The following RNF207 variants were observed in gnomAD, a reference collection of about 807,000 sequenced individuals.
RNF207 encodes the protein ring finger protein 207, also known as OTTHUMG00000001089.
A neutral mutation model predicts 79.0 loss-of-function variants in RNF207; 72 were observed. The observed-to-expected ratio is 0.91, with a 90% CI of 0.75 to 1.11. RNF207 has a LOEUF of 1.11. Among genes scored for constraint, RNF207 ranks in the 50% least tolerant of loss-of-function variants. The probability of loss-of-function intolerance (pLI) is 0.00; values close to 1 mark genes in which losing one functional copy is unlikely to be tolerated. For synonymous variants in RNF207, 348 were observed against 366.2 expected (o/e 0.95, Z 0.57); for missense variants, 936 against 855.8 (o/e 1.09, Z -1.17).
chr1:6,207,650 C>A lies in RNF207; in HGVS notation c.324+139C>A. 1.0e-6 allele frequency: 1 copy of A among 991,932 alleles called. No individual in the cohort carries two copies. Among genetic ancestry groups the A allele is most frequent in the Non-Finnish European group, 1.5e-6 (1 of 649,252 alleles). 61.4% of individuals were successfully genotyped at this position (991,932 alleles called of 1,614,324 possible). On this transcript the variant is annotated intron_variant, in intron 3 of 17. Transcript: ENST00000377939. This position sits in a 1 kb window ranked among gnomAD's most constrained non-coding sequence, Gnocchi z 4.5. Reference sequence around the variant, plus strand: ...CAGCACCTCCCTAGGGCACCTTGGCCCCAAATGTGAACCCCATTATACCGG... The same window carrying A: ...CAGCACCTCCCTAGGGCACCTTGGCACCAAATGTGAACCCCATTATACCGG...
rs950899030 is a variant in RNF207, at chr1:6,220,933, A to G, written c.*1526A>G. On this transcript the variant is annotated 3_prime_UTR_variant, in exon 18 of 18. Transcript: ENST00000377939. Reference sequence around the variant, plus strand: ...ACGTGCTAACATGGCAGCACATTCAACACATAACACATCACTCACATTGAC... The same window carrying G: ...ACGTGCTAACATGGCAGCACATTCAGCACATAACACATCACTCACATTGAC... 6.6e-6 allele frequency: 1 copy of G among 152,238 alleles called. No individual in the cohort carries two copies. The highest frequency in any genetic ancestry group is 2.4e-5 in the African/African-American group (1 of 41,448). 9.4% of individuals were successfully genotyped at this position (152,238 alleles called of 1,614,324 possible).
chr1:6,207,259 C>T lies in RNF207; in HGVS notation c.192-120C>T. The T allele has an allele frequency of 1.0e-6, 1 of 1,004,118 alleles. No individual in the cohort carries two copies. Among genetic ancestry groups the T allele is most frequent in the Non-Finnish European group, 1.4e-6 (1 of 703,022 alleles). The allele number at this position is 1,004,118 out of a possible 1,614,324, so 62.2% of individuals were successfully genotyped here. On this transcript the variant is annotated intron_variant, in intron 2 of 17. Transcript: ENST00000377939. The surrounding 1 kb of genome is among the most constrained non-coding windows in gnomAD (Gnocchi z 4.5). ...GTGATATTTATAGCAGACCCCAGAG[C>T]TGTGGTGCACCCCACCTCCCAACAC...
Position 6,206,288 on chromosome 1 carries a change from A to G in RNF207, c.-15A>G. On this transcript the variant is annotated 5_prime_UTR_variant, in exon 1 of 18. Coordinates refer to ENST00000377939, the MANE Select transcript of RNF207 (RefSeq NM_207396.3). The stretch of plus-strand genomic sequence containing the variant: ...GCTCGGAGGACCGGTAGCTCCCAGC[A>G]AAGCGGCCCAGCGGGTAGGTACAAG... 4.4e-6 allele frequency: 2 copies of G among 451,206 alleles called. No individual in the cohort carries two copies. The highest frequency in any genetic ancestry group is 3.9e-6 in the Non-Finnish European group (1 of 257,184). 28.0% of individuals were successfully genotyped at this position (451,206 alleles called of 1,614,324 possible). A position where few individuals can be genotyped will look rare whatever the true frequency, so the allele number is the denominator to read the frequency against.
intron 16 of RNF207, among the ~76,000 whole-genome samples, chr1:6,213,489 A>G (rs1386461451): frequency 2.0e-5 from 3 of 149,304 alleles, no homozygotes; most frequent in Non-Finnish European, 4.4e-5. Flanking sequence ...AAAAAAAAAA[A>G]CTGCATGGGA....
intron 1 of RNF207, 73 bp downstream of exon 1, chr1:6,206,375 G>T (rs1283733020): frequency 1.0e-5 from 6 of 601,330 alleles, no homozygotes; most frequent in Non-Finnish European, 1.7e-5. Context: ...CCAGGCCCCA[G>T]CCCTAACCTG....
intron 17 of RNF207, among the ~76,000 whole-genome samples, chr1:6,218,938 C>G (rs143917382): frequency 2.6e-5 from 4 of 152,178 alleles, no homozygotes; most frequent in Admixed American, 2.6e-4. Flanking sequence ...AGTCTGGCCC[C>G]AGCCTCCCCT....
intron 8 of RNF207, 34 bp from the exon 9 acceptor site, chr1:6,210,189 G>GC: frequency 6.3e-7 from 1 of 1,579,214 alleles, no homozygotes; most frequent in Non-Finnish European, 8.7e-7. Flanking sequence ...CCTGCTCCTG[G>GC]CCCCCTGGAA....
rs759854211 is a variant in RNF207, at chr1:6,207,659, G to T, written c.324+148G>T. On this transcript the variant is annotated intron_variant, in intron 3 of 17. Coordinates refer to ENST00000377939, the MANE Select transcript of RNF207 (RefSeq NM_207396.3). This position sits in a 1 kb window ranked among gnomAD's most constrained non-coding sequence, Gnocchi z 4.5. ...CCTAGGGCACCTTGGCCCCAAATGT[G>T]AACCCCATTATACCGGTGGGGAGAC... is the stretch of plus-strand genomic sequence containing the variant. 6 of 897,922 alleles carry T rather than the reference G, an allele frequency of 6.7e-6. No homozygotes were observed. In the South Asian group the frequency reaches 8.5e-5, roughly 13 times the overall value. 55.6% of individuals were successfully genotyped at this position (897,922 alleles called of 1,614,324 possible).
chr1:6,213,735 A>G (rs1032174560), intron 16 of RNF207, among the ~76,000 whole-genome samples: 14 of 152,220 alleles, frequency 9.2e-5, no homozygotes, highest in Admixed American at 8.5e-4. Flanking sequence ...GGGCTGATCC[A>G]GGCAGCAGGA....
At position 6,209,124 on chromosome 1, in the gene RNF207, C is replaced by G; in HGVS notation, c.479C>G (p.Ala160Gly). ...CCCGCCGCCCCCGCAGCGCTGCACG[C>G]AGAGCCCTACCTCTTGTTCTCCACC... ...RDVPQKCTLH[A>G]EPYLLFSTDK... is the part of the protein sequence containing the mutation. Residue 160 changes from alanine (A) to glycine (G), a missense_variant, in exon 5 of 18, where the codon GCA becomes GGA. By Grantham distance (60) the Ala-to-Gly change is moderately conservative (BLOSUM62 0). Coordinates refer to ENST00000377939, the MANE Select transcript of RNF207 (RefSeq NM_207396.3). The G allele has an allele frequency of 6.4e-7, 1 of 1,554,478 alleles. No homozygotes were observed.
In RNF207 at chr1:6,208,878, C is replaced by T. The variant is rs1450527153; in HGVS notation, c.325-3C>T. On this transcript the variant is annotated splice_polypyrimidine_tract_variant and splice_region_variant and intron_variant, in intron 3 of 17. Transcript: ENST00000377939. ...CGCTCCTGAGCCCGCGCTCGGCCCG[C>T]AGGACGTGGAGACCACGTACTTCTG... 6.6e-7 allele frequency: 1 copy of T among 1,525,832 alleles called. No homozygotes were observed. Among genetic ancestry groups the T allele is most frequent in the Non-Finnish European group, 8.8e-7 (1 of 1,141,884 alleles). The allele number at this position is 1,525,832 out of a possible 1,614,324, so 94.5% of individuals were successfully genotyped here.
chr1:6,218,146 A>G, intron 16 of RNF207, 143 bp from the exon 17 acceptor site: 1 of 619,128 alleles, frequency 1.6e-6, no homozygotes, highest in South Asian at 1.9e-5. Context: ...ACTGGACCTT[A>G]GTAAATATTT....
In RNF207 at chr1:6,211,940, T is replaced by C; in HGVS notation, c.1183T>C (p.Ser395Pro). Residue 395 changes from serine (S) to proline (P), a missense_variant, in exon 13 of 18, where the codon TCA becomes CCA. Transcript: ENST00000377939. The surrounding 1 kb of genome is among the most constrained non-coding windows in gnomAD (Gnocchi z 4.2). Reference sequence around the variant, plus strand: ...CTCCCCAGTAGGAAAGATGTCGGGGTCACCCGTCCAAAAGCCCACGCTGCA... The same window carrying C: ...CTCCCCAGTAGGAAAGATGTCGGGGCCACCCGTCCAAAAGCCCACGCTGCA... ...CPSPVGKMSGSPVQKPTLHRS... is the reference protein window; with the variant it reads ...CPSPVGKMSGPPVQKPTLHRS... 6.4e-7 allele frequency: 1 copy of C among 1,555,338 alleles called. No homozygotes were observed. The highest frequency in any genetic ancestry group is 8.7e-7 in the Non-Finnish European group (1 of 1,149,910).
chr1:6,207,343 G>A lies in RNF207; in HGVS notation c.192-36G>A, dbSNP rs1344789755. 1.3e-6 allele frequency: 2 copies of A among 1,501,482 alleles called. No homozygotes were observed. The highest frequency in any genetic ancestry group is 4.6e-5 in the East Asian group (2 of 43,724). The allele number at this position is 1,501,482 out of a possible 1,614,324, so 93.0% of individuals were successfully genotyped here. ...GTGGGGGTGGGGAGCCCTGGGGAAG[G>A]GGTATCAGAATCTCGGGGCCTGGGC... On this transcript the variant is annotated intron_variant, in intron 2 of 17. Coordinates refer to ENST00000377939, the MANE Select transcript of RNF207 (RefSeq NM_207396.3). This position sits in a 1 kb window ranked among gnomAD's most constrained non-coding sequence, Gnocchi z 4.5.
Position 6,207,485 on chromosome 1 carries a change from AACT to A in RNF207, c.299_301del (p.Asn100_Cys101delinsSer), listed in dbSNP as rs1667958728. The stretch of plus-strand genomic sequence containing the variant: ...TGGCGTGGAGGCGGTGCGCTGTGCC[AACT>A]GTGACCTGGAGTGCAGCGAGCAGGC... On this transcript the variant is annotated inframe_deletion, in exon 3 of 18. Coordinates refer to ENST00000377939, the MANE Select transcript of RNF207 (RefSeq NM_207396.3). The surrounding 1 kb of genome is among the most constrained non-coding windows in gnomAD (Gnocchi z 4.5). 5 of 1,603,894 alleles carry A rather than the reference AACT, an allele frequency of 3.1e-6. No homozygotes were observed. Among genetic ancestry groups the A allele is most frequent in the Non-Finnish European group, 4.3e-6 (5 of 1,175,420 alleles).
At chr1:6,210,134 C>T (rs1049292936) in intron 8 of RNF207, 89 bp from the exon 9 acceptor site, 39 of 1,350,292 alleles carry the variant, frequency 2.9e-5, no homozygotes, top group Non-Finnish European at 4.0e-5. Flanking sequence ...GGTTCAGGGA[C>T]GGACATGCGA....
Position 6,208,923 on chromosome 1 carries a change from C to G in RNF207, c.367C>G (p.Leu123Val). 6.5e-7 allele frequency: 1 copy of G among 1,534,806 alleles called. No individual in the cohort carries two copies. The highest frequency in any genetic ancestry group is 8.7e-7 in the Non-Finnish European group (1 of 1,145,634). The change falls in exon 4 of 18, where the codon CTA becomes GTA. Residue 123 changes from leucine to valine, a missense_variant. By Grantham distance (32) the Leu-to-Val change is conservative. Transcript: ENST00000377939. ...TYFCNTCGQP[L>V]CARCRDETHR... ...CTTCTGCAACACGTGCGGACAGCCC[C>G]TATGCGCGCGCTGCCGCGACGAGAC...
In RNF207 at chr1:6,208,884, G is replaced by A. The variant is rs1032976303; in HGVS notation, c.328G>A (p.Val110Met). Residue 110 changes from valine to methionine, a missense_variant, in exon 4 of 18, where the codon GTG (valine) becomes ATG (methionine). By Grantham distance (21) the Val-to-Met change is conservative (BLOSUM62 1). Transcript: ENST00000377939. ...NCDLECSEQD[V>M]ETTYFCNTCG... ...TGAGCCCGCGCTCGGCCCGCAGGAC[G>A]TGGAGACCACGTACTTCTGCAACAC... 1.3e-6 allele frequency: 2 copies of A among 1,529,324 alleles called. No homozygotes were observed. The highest frequency in any genetic ancestry group is 1.7e-4 in the Middle Eastern group (1 of 5,742). 94.7% of individuals were successfully genotyped at this position (1,529,324 alleles called of 1,614,324 possible). A position where few individuals can be genotyped will look rare whatever the true frequency, so the allele number is the denominator to read the frequency against.
At position 6,219,499 on chromosome 1, in the gene RNF207, T is replaced by C; in HGVS notation, c.*92T>C. On this transcript the variant is annotated 3_prime_UTR_variant, in exon 18 of 18. Coordinates refer to ENST00000377939, the MANE Select transcript of RNF207 (RefSeq NM_207396.3). ...GTTGTTCCCATGATGGTTTTTTTTA[T>C]TTTTTATTTTTGAGATGGAGTTTCG... 1.0e-6 allele frequency: 1 copy of C among 985,214 alleles called. No individual in the cohort carries two copies. Among genetic ancestry groups the C allele is most frequent in the Non-Finnish European group, 1.4e-6 (1 of 692,122 alleles). 61.0% of individuals were successfully genotyped at this position (985,214 alleles called of 1,614,324 possible). A position where few individuals can be genotyped will look rare whatever the true frequency, so the allele number is the denominator to read the frequency against.
Sources: allele counts gnomAD v4.1 joint callset (sites outside exome capture counted in the v4.1 genomes callset), GRCh38; gene constraint gnomAD v4.1.1; non-coding constraint Gnocchi (gnomAD v3.1); transcripts MANE v1.5; gene names NCBI Gene and HGNC (gene_info 2026-07-23, HGNC 2026-07-21).